The following RYR2 variants were observed in gnomAD, a reference collection of about 807,000 sequenced individuals.
The protein encoded by RYR2 is ryanodine receptor 2.
In RYR2, 227 loss-of-function variants were observed where a neutral mutation model predicts 601.1. The ratio of observed to expected loss-of-function variants is 0.38; its 90% CI spans 0.34 to 0.42. The LOEUF (loss-of-function observed/expected upper bound fraction) is 0.42. Ranked by LOEUF, RYR2 falls within the 10% of genes least tolerant of loss-of-function variation. The pLI is 1.00. For synonymous variants in RYR2, 2,223 were observed against 2,175.1 expected, an observed-to-expected ratio of 1.02 and a Z score of -0.61; for missense variants, 4,646 against 6,156.5, an observed-to-expected ratio of 0.75 and a Z score of 8.21.
intron 1 of RYR2, among the ~76,000 whole-genome samples, chr1:237,148,523 AAAAAATAT>A (rs1157758792): frequency 4.3e-4 from 21 of 48,298 alleles, no homozygotes; most frequent in Admixed American, 2.5e-3. Context: ...AGTAAAAAAA[AAAAAATAT>A]ATATATATAT....
At chr1:237,567,191 T>C (rs1259373662) in intron 28 of RYR2, among the ~76,000 whole-genome samples, 1 of 152,132 alleles carries the variant, frequency 6.6e-6, no homozygotes, top group Non-Finnish European at 1.5e-5. Context: ...TTTTCAACAT[T>C]ATTGGTAATT....
intron 1 of RYR2, among the ~76,000 whole-genome samples, chr1:237,119,631 A>G (rs1265531890): frequency 6.6e-6 from 1 of 152,154 alleles, no homozygotes; most frequent in Non-Finnish European, 1.5e-5. Flanking sequence ...AATGGAAGGA[A>G]GTGGTAGCTG....
rs147308802 is a variant in RYR2, at chr1:237,630,196, A to G, written c.6441-1231A>G. ...AAAGCAAAATGCTTCTTTTTGTGGT[A>G]TTCAAAATATTTAACACAGAGAGAT... On this transcript the variant is annotated intron_variant, in intron 41 of 104. Coordinates refer to ENST00000366574, the MANE Select transcript of RYR2 (RefSeq NM_001035.3). Among the ~76,000 whole-genome samples the G allele has an allele frequency of 8.4e-4, 128 of 152,294 alleles. 1 individual carries two copies. The highest frequency in any genetic ancestry group is 2.8e-3 in the African/African-American group (117 of 41,584).
chr1:237,663,246 G>A (rs1033533371), intron 56 of RYR2, among the ~76,000 whole-genome samples: 12 of 152,072 alleles, frequency 7.9e-5, no homozygotes, highest in African/African-American at 2.9e-4. Flanking sequence ...TTTTTTGACT[G>A]TCATCTTGTT....
intron 14 of RYR2, among the ~76,000 whole-genome samples, chr1:237,452,076 T>TGGG (rs200260693): frequency 1.4e-5 from 1 of 73,862 alleles, no homozygotes; most frequent in African/African-American, 3.3e-5. Context: ...TATATAAAAT[T>TGGG]TTGTGTGTGT....
At chr1:237,609,915 A>G (rs150221469) in intron 35 of RYR2, among the ~76,000 whole-genome samples, 3 of 150,352 alleles carry the variant, frequency 2.0e-5, no homozygotes, top group Non-Finnish European at 4.4e-5. Context: ...GCATATCATC[A>G]GTATTTAAAC....
At chr1:237,089,282 A>G (rs1442412725) in intron 1 of RYR2, among the ~76,000 whole-genome samples, 3 of 152,270 alleles carry the variant, frequency 2.0e-5, no homozygotes, top group Non-Finnish European at 4.4e-5. Context: ...GAGAATAAGC[A>G]GAGCCTTTTC....
At chr1:237,302,131 TAG>T (rs1395030461) in intron 2 of RYR2, among the ~76,000 whole-genome samples, 7 of 152,184 alleles carry the variant, frequency 4.6e-5, no homozygotes, top group African/African-American at 1.7e-4. Flanking sequence ...TCATAAAACT[TAG>T]AGTGATCATT....
intron 52 of RYR2, 67 bp downstream of exon 52, chr1:237,654,481 G>A: frequency 6.7e-7 from 1 of 1,503,096 alleles, no homozygotes; most frequent in Non-Finnish European, 9.1e-7. Flanking sequence ...TTCTTAGTAA[G>A]ATAGTATTCC....
chr1:237,829,139 C>G (rs181279912), intron 102 of RYR2, among the ~76,000 whole-genome samples: 2 of 152,294 alleles, frequency 1.3e-5, no homozygotes, highest in East Asian at 3.9e-4. Context: ...AATATAATCA[C>G]TCATTTGAGA....
At position 237,360,256 on chromosome 1, in the gene RYR2, G is replaced by A. The variant is rs569983839; in HGVS notation, c.295-4102G>A. 1.6e-4 allele frequency among the ~76,000 whole-genome samples: 25 copies of A among 152,292 alleles called. 1 individual carries two copies. The South Asian group carries it at 4.6e-3, about 28-fold the overall frequency. ...TAGGTGATGATCTGAATAGAGGGCAGGCTTTGTATGTCTTCAAGACATCAG... is the reference window on the plus strand; with the variant it reads ...TAGGTGATGATCTGAATAGAGGGCAAGCTTTGTATGTCTTCAAGACATCAG... On this transcript the variant is annotated intron_variant, in intron 4 of 104. Transcript: ENST00000366574.
At chr1:237,233,313 G>A (rs889055388) in intron 1 of RYR2, among the ~76,000 whole-genome samples, 1 of 152,202 alleles carries the variant, frequency 6.6e-6, no homozygotes, top group Non-Finnish European at 1.5e-5. Context: ...AATTTAGGCT[G>A]TTTTTAGAAG....
intron 27 of RYR2, among the ~76,000 whole-genome samples, chr1:237,555,368 C>T (rs1018949773): frequency 6.6e-6 from 1 of 151,880 alleles, no homozygotes; most frequent in African/African-American, 2.4e-5. Flanking sequence ...TTTGTGCATC[C>T]CTAGAGGATG....
intron 29 of RYR2, among the ~76,000 whole-genome samples, chr1:237,574,050 A>T (rs932967810): frequency 6.6e-6 from 1 of 152,100 alleles, no homozygotes; most frequent in African/African-American, 2.4e-5. Context: ...GTGAAATTCC[A>T]CTAGAATTTC....
chr1:237,099,100 T>C (rs1351575810), intron 1 of RYR2, among the ~76,000 whole-genome samples: 1 of 47,940 alleles, frequency 2.1e-5, no homozygotes, highest in African/African-American at 3.8e-5. Flanking sequence ...GAAGGTAGTG[T>C]GAACGGAAAA....
chr1:237,734,865 G>A (rs1389388820), intron 79 of RYR2, among the ~76,000 whole-genome samples: 1 of 152,146 alleles, frequency 6.6e-6, no homozygotes, highest in African/African-American at 2.4e-5. Context: ...AGTATCTCAG[G>A]TAAGGCTTAT....
intron 12 of RYR2, among the ~76,000 whole-genome samples, chr1:237,427,115 G>C (rs1251565463): frequency 2.6e-5 from 4 of 152,164 alleles, no homozygotes; most frequent in Non-Finnish European, 5.9e-5. Context: ...AGAGAGAAAA[G>C]TTGGTGAGAG....
At chr1:237,367,147 G>A (rs1700264226) in intron 5 of RYR2, among the ~76,000 whole-genome samples, 1 of 152,150 alleles carries the variant, frequency 6.6e-6, no homozygotes, top group African/African-American at 2.4e-5. Context: ...AGGCTGGAGT[G>A]CAGCGGTGTG....
chr1:237,705,155 T>C, intron 66 of RYR2, 58 bp from the exon 67 acceptor site: 1 of 1,493,844 alleles, frequency 6.7e-7, no homozygotes. Flanking sequence ...AATTGTAATA[T>C]GACTTTTTTA....
Sources: gnomAD v4.1 joint callset for allele counts (sites outside exome capture counted in the v4.1 genomes callset) on GRCh38, gnomAD v4.1.1 for gene constraint, MANE v1.5 for transcripts, NCBI Gene and HGNC (gene_info 2026-07-23, HGNC 2026-07-21) for gene names.